Variants in ZFYVE9 observed in about 807,000 individuals in gnomAD.
The protein encoded by ZFYVE9 is zinc finger FYVE-type containing 9.
In ZFYVE9, 43 loss-of-function variants were observed where a neutral mutation model predicts 126.7. That is an observed-to-expected ratio of 0.34 (90% confidence interval 0.27 to 0.44). ZFYVE9 has a LOEUF of 0.44. Ranked by LOEUF, ZFYVE9 falls within the 20% of genes least tolerant of loss-of-function variation. ZFYVE9 has a pLI of 1.00. For synonymous variants in ZFYVE9, 521 were observed against 597.4 expected (o/e 0.87, Z 1.87); for missense variants, 1,476 against 1,697.0 (o/e 0.87, Z 2.29).
intron 2 of ZFYVE9, among the ~76,000 whole-genome samples, chr1:52,222,528 C>T (rs915801953): frequency 6.6e-6 from 1 of 152,220 alleles, no homozygotes; most frequent in Non-Finnish European, 1.5e-5. Flanking sequence ...AGGTCTTGCA[C>T]TAGCCGGGAT....
At chr1:52,213,575 C>T (rs1038257984) in intron 1 of ZFYVE9, among the ~76,000 whole-genome samples, 1 of 152,018 alleles carries the variant, frequency 6.6e-6, no homozygotes, top group Non-Finnish European at 1.5e-5. Context: ...TTGCTTGAAC[C>T]CGGGAGGTGG....
At chr1:52,255,906 TTC>T (rs1645504130) in intron 4 of ZFYVE9, among the ~76,000 whole-genome samples, 1 of 43,008 alleles carries the variant, frequency 2.3e-5, no homozygotes, top group Admixed American at 2.0e-4. Context: ...CTTTTTTCTT[TTC>T]TTTTCTTTTC....
intron 10 of ZFYVE9, among the ~76,000 whole-genome samples, chr1:52,285,449 T>A (rs1273167176): frequency 6.6e-6 from 1 of 152,156 alleles, no homozygotes; most frequent in African/African-American, 2.4e-5. Flanking sequence ...TATTTACAGC[T>A]GCTCCCCATT....
intron 7 of ZFYVE9, among the ~76,000 whole-genome samples, chr1:52,273,818 C>CAAAAAAAAAAAAAAAAAAAAAAAAAA (rs61193193): frequency 1.3e-5 from 1 of 75,570 alleles, no homozygotes; most frequent in Non-Finnish European, 3.0e-5. Context: ...GACTCCTTCT[C>CAAAAAAAAAAAAAAAAAAAAAAAAAA]AAAAAAAAAA....
chr1:52,189,627 C>T (rs1190084152), intron 1 of ZFYVE9, among the ~76,000 whole-genome samples: 3 of 151,830 alleles, frequency 2.0e-5, no homozygotes, highest in African/African-American at 7.3e-5. Flanking sequence ...CCTCACTCAG[C>T]CTCTGAAAGT....
In ZFYVE9 at chr1:52,238,992, T is replaced by C. The variant is rs1645306039; in HGVS notation, c.1575T>C (p.Asn525=). 6.2e-7 allele frequency: 1 copy of C among 1,614,018 alleles called. No individual in the cohort carries two copies. The highest frequency in any genetic ancestry group is 8.5e-7 in the Non-Finnish European group (1 of 1,179,980). The change falls in exon 4 of 19, where the codon AAT becomes AAC. Residue 525 remains asparagine, a synonymous_variant. Coordinates refer to ENST00000287727, the MANE Select transcript of ZFYVE9 (RefSeq NM_004799.4). ...CAAATATTTATGAACAGAGAGGAAA[T>C]GAGGCCACAGAAGGGAGTGGACTAC... The part of the protein sequence containing the change: ...CYSNIYEQRG[N]EATEGSGLLL...
chr1:52,278,681 G>A (rs914522869), intron 9 of ZFYVE9, 67 bp downstream of exon 9: 52 of 1,015,476 alleles, frequency 5.1e-5, no homozygotes, highest in Non-Finnish European at 6.8e-5. Context: ...AAAACTTTCA[G>A]ATTTATTACA....
intron 13 of ZFYVE9, among the ~76,000 whole-genome samples, chr1:52,325,094 A>G (rs1287945942): frequency 6.6e-6 from 1 of 152,202 alleles, no homozygotes; most frequent in African/African-American, 2.4e-5. Context: ...CCTGGCTAAC[A>G]TGGTGAAACC....
intron 9 of ZFYVE9, among the ~76,000 whole-genome samples, chr1:52,281,099 A>G (rs1160214633): frequency 2.7e-5 from 4 of 147,036 alleles, no homozygotes; most frequent in African/African-American, 1.0e-4. Context: ...TATTTCTTTT[A>G]CTTCCATTTC....
intron 14 of ZFYVE9, 52 bp from the exon 15 acceptor site, chr1:52,334,636 A>G (rs1646372878): frequency 5.1e-6 from 8 of 1,555,202 alleles, no homozygotes; most frequent in Middle Eastern, 2.1e-4. Context: ...ATTATTTTCA[A>G]TCCCTCCAGC....
intron 1 of ZFYVE9, among the ~76,000 whole-genome samples, chr1:52,166,904 A>G (rs778703994): frequency 3.3e-5 from 5 of 152,240 alleles, no homozygotes; most frequent in Non-Finnish European, 1.5e-5. Context: ...AGAAGAAAAA[A>G]AAGTTTTAAG....
intron 1 of ZFYVE9, among the ~76,000 whole-genome samples, chr1:52,164,110 C>G (rs1034845877): frequency 3.3e-5 from 5 of 151,804 alleles, no homozygotes; most frequent in African/African-American, 1.2e-4. Context: ...CACCACCACA[C>G]CTAGCTAATT....
intron 13 of ZFYVE9, among the ~76,000 whole-genome samples, chr1:52,306,064 G>A (rs186354407): frequency 1.3e-5 from 2 of 152,294 alleles, no homozygotes; most frequent in East Asian, 1.9e-4. Flanking sequence ...CCAGGTCCCC[G>A]ATGAGGTTCC....
In ZFYVE9 at chr1:52,172,869, C is replaced by T. The variant is rs1339302666; in HGVS notation, c.-143+30466C>T. 5.0e-3 allele frequency among the ~76,000 whole-genome samples: 758 copies of T among 151,380 alleles called. 9 individuals are homozygous for T. The highest frequency in any genetic ancestry group is 0.016 in the African/African-American group (661 of 41,120). ...TTGATTTTGTATCCTGAGACTTTGC[C>T]GAAGTTGCTTATCAGCTTAAGGAGA... is the stretch of plus-strand genomic sequence containing the variant. On this transcript the variant is annotated intron_variant, in intron 1 of 18. Transcript: ENST00000287727.
At chr1:52,206,633 C>T (rs969294384) in intron 1 of ZFYVE9, among the ~76,000 whole-genome samples, 1 of 152,098 alleles carries the variant, frequency 6.6e-6, no homozygotes, top group Admixed American at 6.6e-5. Context: ...TCACTGCAAC[C>T]TCCACCTCCC....
At chr1:52,211,380 T>G (rs1645027331) in intron 1 of ZFYVE9, among the ~76,000 whole-genome samples, 2 of 152,116 alleles carry the variant, frequency 1.3e-5, no homozygotes, top group Non-Finnish European at 2.9e-5. Context: ...GGAGATATAG[T>G]AGCAGCCATT....
At chr1:52,193,761 C>T (rs1234587107) in intron 1 of ZFYVE9, among the ~76,000 whole-genome samples, 2 of 145,176 alleles carry the variant, frequency 1.4e-5, no homozygotes, top group African/African-American at 2.6e-5. Context: ...AGTAATTGTG[C>T]ATCTTAATGT....
intron 8 of ZFYVE9, 80 bp from the exon 9 acceptor site, chr1:52,278,412 A>G (rs1645768970): frequency 6.4e-7 from 1 of 1,551,768 alleles, no homozygotes; most frequent in East Asian, 2.3e-5. Flanking sequence ...TTCTGTGAAT[A>G]ATTAGCTCAT....
chr1:52,206,422 C>G (rs537066083), intron 1 of ZFYVE9, among the ~76,000 whole-genome samples: 1 of 152,308 alleles, frequency 6.6e-6, no homozygotes, highest in South Asian at 2.1e-4. Flanking sequence ...GAGATACAGA[C>G]TTTGGCTAAT....
Sources: gnomAD v4.1 joint callset for allele counts (sites outside exome capture counted in the v4.1 genomes callset) on GRCh38, gnomAD v4.1.1 for gene constraint, MANE v1.5 for transcripts, NCBI Gene and HGNC (gene_info 2026-07-23, HGNC 2026-07-21) for gene names.